The following CLDN7 variants were observed in gnomAD, a reference collection of about 807,000 sequenced individuals.
CLDN7 encodes claudin-7.
CLDN7 carries 15 observed loss-of-function variants against 20.3 expected under a neutral mutation model. The observed-to-expected ratio is 0.74, with a 90% CI of 0.49 to 1.14. The LOEUF (loss-of-function observed/expected upper bound fraction) is 1.14. Among genes scored for constraint, CLDN7 ranks in the 50% most tolerant of loss-of-function variants. CLDN7 has a pLI of 0.00. For missense variants in CLDN7, 261 were observed against 274.2 expected (o/e 0.95, Z 0.34); for synonymous variants, 117 against 106.1 (o/e 1.10, Z -0.63).
At chr17:7,261,104 A>C (rs1237598875) in intron 1 of CLDN7, 119 bp from the exon 2 acceptor site, 2 of 1,385,778 alleles carry the variant, frequency 1.4e-6, no homozygotes, top group African/African-American at 2.9e-5. Flanking sequence ...TGTTCTGCCG[A>C]GGGCCAGGGG....
In CLDN7 at chr17:7,260,548, AG is replaced by A; in HGVS notation, c.474-13del. On this transcript the variant is annotated splice_polypyrimidine_tract_variant and intron_variant, in intron 3 of 3. Transcript: ENST00000360325. ...GGCCAAACTCATACCTGTGAAGAGA[AG>A]GGGGTGGTTAGAAACCCTGGCGTGC... The A allele has an allele frequency of 6.2e-7, 1 of 1,611,972 alleles. No homozygotes were observed. Among genetic ancestry groups the A allele is most frequent in the Non-Finnish European group, 8.5e-7 (1 of 1,178,844 alleles).
In CLDN7 at chr17:7,260,577, C is replaced by G. The variant is rs370514369; in HGVS notation, c.474-41G>C. 2.6e-5 allele frequency: 42 copies of G among 1,612,846 alleles called. No individual in the cohort carries two copies. In the African/African-American group the frequency reaches 5.2e-4, roughly 20 times the overall value. On this transcript the variant is annotated intron_variant, in intron 3 of 3. Transcript: ENST00000360325. ...GGTGGTTAGAAACCCTGGCGTGCCT[C>G]TGCCCTCCTCCCTATTCCAGGACCC...
intron 1 of CLDN7, among the ~76,000 whole-genome samples, chr17:7,261,453 GCGCGCCCCGTGCCC>G (rs1046750428): frequency 1.3e-5 from 2 of 152,268 alleles, no homozygotes; most frequent in Middle Eastern, 3.4e-3. Flanking sequence ...TCGGCCCTCG[GCGCGCCCCGTGCCC>G]CGCGCCCCGG....
chr17:7,261,795 C>T (rs755562770), intron 1 of CLDN7, 26 bp downstream of exon 1: 1 of 1,607,394 alleles, frequency 6.2e-7, no homozygotes, highest in South Asian at 1.1e-5. Flanking sequence ...AAGGGCGCGT[C>T]CGCCCCGTCG....
chr17:7,261,687 C>CCCCCCCCCCCCAAA, intron 1 of CLDN7, 134 bp downstream of exon 1: 1 of 805,946 alleles, frequency 1.2e-6, no homozygotes, highest in Non-Finnish European at 1.8e-6. Context: ...CCGCCGCCCC[C>CCCCCCCCCCCCAAA]AGCCGACCAC....
chr17:7,260,237 T>G lies in CLDN7; in HGVS notation c.*137A>C. 8.5e-5 allele frequency: 46 copies of G among 538,290 alleles called. No homozygotes were observed. The highest frequency in any genetic ancestry group is 1.1e-4 in the Non-Finnish European group (35 of 323,060). 33.3% of individuals were successfully genotyped at this position (538,290 alleles called of 1,614,324 possible). ...CCCCCCACCCCCAACCCAAGAGGAC[T>G]ATACATGGAGTGCAGGGACAGAGTG... On this transcript the variant is annotated 3_prime_UTR_variant, in exon 4 of 4. Coordinates refer to ENST00000360325, the MANE Select transcript of CLDN7 (RefSeq NM_001307.6).
At chr17:7,261,256 G>T in intron 1 of CLDN7, 1 of 517,226 alleles carries the variant, frequency 1.9e-6, no homozygotes, top group Non-Finnish European at 3.4e-6. Flanking sequence ...CTGGATAGGG[G>T]GAAGGGTGAA....
In CLDN7 at chr17:7,260,678, G is replaced by C; in HGVS notation, c.437C>G (p.Thr146Arg). 1 of 1,614,200 alleles carries C rather than the reference G, an allele frequency of 6.2e-7. No homozygotes were observed. Among genetic ancestry groups the C allele is most frequent in the Non-Finnish European group, 8.5e-7 (1 of 1,180,038 alleles). Residue 146 changes from threonine to arginine, a missense_variant, in exon 3 of 4, where the codon ACA (threonine) becomes AGA (arginine). Around this residue, in one of 2 missense-constraint regions of CLDN7, gnomAD observed 215 missense variants for 199.6 expected, o/e 1.08. Transcript: ENST00000360325. ...AGGGATCAAAGGGTTATAAAAGTCT[G>C]TGACAATCTGATGGCCATACCAGGA... is the stretch of plus-strand genomic sequence containing the variant. ...ACSWYGHQIV[T>R]DFYNPLIPTN...
rs1394081659 is a variant in CLDN7 at position 7,262,435 on chromosome 17, G to A, written c.-392C>T. ...CCTGGGCTGTAGGTCCGAGGCTGCG[G>A]TGCGCAGCAGAGGTGGCTCGGAGGT... On this transcript the variant is annotated 5_prime_UTR_variant, in exon 1 of 4. Coordinates refer to ENST00000360325, the MANE Select transcript of CLDN7 (RefSeq NM_001307.6). The surrounding 1 kb of genome is among the most constrained non-coding windows in gnomAD (Gnocchi z 6.6). The A allele has an allele frequency of 4.7e-6, 5 of 1,072,946 alleles. No homozygotes were observed. In the African/African-American group the frequency reaches 8.4e-5, roughly 18 times the overall value. The allele number at this position is 1,072,946 out of a possible 1,614,324, so 66.5% of individuals were successfully genotyped here.
chr17:7,262,305 C>G lies in CLDN7; in HGVS notation c.-262G>C. The G allele has an allele frequency of 2.9e-6, 4 of 1,358,830 alleles. No homozygotes were observed. In the South Asian group the frequency reaches 4.8e-5, roughly 16 times the overall value. 84.2% of individuals were successfully genotyped at this position (1,358,830 alleles called of 1,614,324 possible). ...GGTTCCAGACAAAATTGGTGGTCCC[C>G]GAAGGCCAGGCGGTTCCCTCCGGGC... On this transcript the variant is annotated 5_prime_UTR_variant, in exon 1 of 4. Transcript: ENST00000360325. This position sits in a 1 kb window ranked among gnomAD's most constrained non-coding sequence, Gnocchi z 6.6.
rs1289972707 is a variant in CLDN7, at chr17:7,260,952, A to C, written c.257T>G (p.Val86Gly). The stretch of plus-strand genomic sequence containing the variant: ...GGCCAGGAAGCCCAGCACCAGGGAG[A>C]CCACCATTAGGGCTCGAGTGGCCTG... ...ALQATRALMV[V>G]SLVLGFLAMF... is the part of the protein sequence containing the mutation. Residue 86 changes from valine to glycine, a missense_variant, in exon 2 of 4, where the codon GTC (valine) becomes GGC (glycine). Physicochemically the swap from Val to Gly is moderately radical, Grantham distance 109 (BLOSUM62 -3). Coordinates refer to ENST00000360325, the MANE Select transcript of CLDN7 (RefSeq NM_001307.6). 6.2e-7 allele frequency: 1 copy of C among 1,613,224 alleles called. No individual in the cohort carries two copies. The highest frequency in any genetic ancestry group is 2.2e-5 in the East Asian group (1 of 44,876).
chr17:7,260,588 C>T (rs755817615), intron 3 of CLDN7, 52 bp from the exon 4 acceptor site: 4 of 1,613,378 alleles, frequency 2.5e-6, no homozygotes, highest in Admixed American at 3.3e-5. Flanking sequence ...TGCCCTCCTC[C>T]CTATTCCAGG....
intron 1 of CLDN7, 166 bp from the exon 2 acceptor site, chr17:7,261,151 T>TC: frequency 1.2e-6 from 1 of 865,120 alleles, no homozygotes; most frequent in Non-Finnish European, 1.7e-6. Context: ...AGCGGGCAGG[T>TC]CCCCGCCCCT....
At chr17:7,261,173 G>C (rs2072208244) in intron 1 of CLDN7, 188 bp from the exon 2 acceptor site, 2 of 750,178 alleles carry the variant, frequency 2.7e-6, no homozygotes, top group Non-Finnish European at 2.1e-6. Context: ...CCGACAGCGC[G>C]GCCTTCCTGC....
chr17:7,262,158 C>A lies in CLDN7; in HGVS notation c.-115G>T. The A allele has an allele frequency of 6.8e-7, 1 of 1,465,172 alleles. No homozygotes were observed. The highest frequency in any genetic ancestry group is 9.0e-7 in the Non-Finnish European group (1 of 1,113,178). 90.8% of individuals were successfully genotyped at this position (1,465,172 alleles called of 1,614,324 possible). A position where few individuals can be genotyped will look rare whatever the true frequency, so the allele number is the denominator to read the frequency against. ...CTTGAGGTGGAGTTTTCCGGTCACC[C>A]AAAGAGACAAAAAGGGTTTGGGCCA... On this transcript the variant is annotated 5_prime_UTR_variant, in exon 1 of 4. Transcript: ENST00000360325. This position sits in a 1 kb window ranked among gnomAD's most constrained non-coding sequence, Gnocchi z 6.6.
chr17:7,262,123 C>A lies in CLDN7; in HGVS notation c.-80G>T. The A allele has an allele frequency of 6.6e-7, 1 of 1,504,638 alleles. No individual in the cohort carries two copies. Among genetic ancestry groups the A allele is most frequent in the South Asian group, 1.3e-5 (1 of 78,514 alleles). 93.2% of individuals were successfully genotyped at this position (1,504,638 alleles called of 1,614,324 possible). A position where few individuals can be genotyped will look rare whatever the true frequency, so the allele number is the denominator to read the frequency against. On this transcript the variant is annotated 5_prime_UTR_variant, in exon 1 of 4. Transcript: ENST00000360325. The surrounding 1 kb of genome is among the most constrained non-coding windows in gnomAD (Gnocchi z 6.6). Reference sequence around the variant, plus strand: ...AAACGACACTTGGGGGGCAGCCCCACAAAAGAAAACTTGAGGTGGAGTTTT... The same window carrying A: ...AAACGACACTTGGGGGGCAGCCCCAAAAAAGAAAACTTGAGGTGGAGTTTT...
Position 7,260,377 on chromosome 17 carries a change from C to A in CLDN7, c.633G>T (p.Val211=). Residue 211 remains valine, a synonymous_variant, in exon 4 of 4, where the codon GTG becomes GTT. Coordinates refer to ENST00000360325, the MANE Select transcript of CLDN7 (RefSeq NM_001307.6). ...YPKSNSSKEY[V] The stretch of plus-strand genomic sequence containing the variant: ...GCTGGGGCAAGGAGATCCCAGGTCA[C>A]ACATACTCCTTGGAAGAGTTGGACT... The A allele has an allele frequency of 6.2e-7, 1 of 1,605,902 alleles. No individual in the cohort carries two copies. The highest frequency in any genetic ancestry group is 8.5e-7 in the Non-Finnish European group (1 of 1,175,576).
At position 7,260,241 on chromosome 17, in the gene CLDN7, C is replaced by G; in HGVS notation, c.*133G>C. 1 of 683,194 alleles carries G rather than the reference C, an allele frequency of 1.5e-6. No individual in the cohort carries two copies. The highest frequency in any genetic ancestry group is 2.3e-6 in the Non-Finnish European group (1 of 428,020). 42.3% of individuals were successfully genotyped at this position (683,194 alleles called of 1,614,324 possible). On this transcript the variant is annotated 3_prime_UTR_variant, in exon 4 of 4. Transcript: ENST00000360325. ...CCACCCCCAACCCAAGAGGACTATA[C>G]ATGGAGTGCAGGGACAGAGTGACCA...
chr17:7,262,244 C>T lies in CLDN7; in HGVS notation c.-201G>A. The stretch of plus-strand genomic sequence containing the variant: ...ATCGACCCCTCCAGTGAAGCGATGG[C>T]CTCGCGGCACAGGGAGTAGGATACG... On this transcript the variant is annotated 5_prime_UTR_variant, in exon 1 of 4. Coordinates refer to ENST00000360325, the MANE Select transcript of CLDN7 (RefSeq NM_001307.6). This position sits in a 1 kb window ranked among gnomAD's most constrained non-coding sequence, Gnocchi z 6.6. The T allele has an allele frequency of 9.1e-6, 13 of 1,425,634 alleles. No individual in the cohort carries two copies. In the South Asian group the frequency reaches 1.5e-4, roughly 17 times the overall value. The allele number at this position is 1,425,634 out of a possible 1,614,324, so 88.3% of individuals were successfully genotyped here.
Sources: gnomAD v4.1 joint callset for allele counts (sites outside exome capture counted in the v4.1 genomes callset) on GRCh38, gnomAD v4.1.1 for gene constraint, gnomAD v4.1.1 regional missense constraint, Gnocchi (gnomAD v3.1) non-coding constraint, MANE v1.5 for transcripts, NCBI Gene and HGNC (gene_info 2026-07-23, HGNC 2026-07-21) for gene names.